The following ATE1 variants were observed in gnomAD, a reference collection of about 807,000 sequenced individuals.
ATE1 encodes the protein arginyltransferase 1.
Under a neutral mutation model 70.5 loss-of-function variants are expected in ATE1, and 36 were observed. The ratio of observed to expected loss-of-function variants is 0.51; its 90% CI spans 0.39 to 0.67. ATE1 has a LOEUF of 0.67. ATE1 is among the 30% of genes least tolerant of loss of function. The pLI is 0.00. For missense variants in ATE1, 593 were observed against 629.5 expected, an observed-to-expected ratio of 0.94 and a Z score of 0.62; for synonymous variants, 232 against 219.3, an observed-to-expected ratio of 1.06 and a Z score of -0.51.
intron 8 of ATE1, among the ~76,000 whole-genome samples, chr10:121,864,930 G>T (rs2133982984): frequency 6.6e-6 from 1 of 152,240 alleles, no homozygotes; most frequent in African/African-American, 2.4e-5. Flanking sequence ...TCACAACAAA[G>T]AATTATCCAG....
chr10:121,832,491 T>C (rs1326237674), intron 10 of ATE1, among the ~76,000 whole-genome samples: 1 of 152,110 alleles, frequency 6.6e-6, no homozygotes, highest in African/African-American at 2.4e-5. Context: ...GCACGTGTTG[T>C]GGGAGGGACC....
chr10:121,874,540 A>G (rs1304320069), intron 7 of ATE1, among the ~76,000 whole-genome samples: 1 of 150,440 alleles, frequency 6.6e-6, no homozygotes, highest in African/African-American at 2.5e-5. Flanking sequence ...AGAAGATCTT[A>G]TTTAACCTAT....
intron 1 of ATE1, 38 bp from the exon 2 acceptor site, chr10:121,924,367 A>T (rs370197426): frequency 1.5e-5 from 23 of 1,585,156 alleles, no homozygotes; most frequent in Non-Finnish European, 1.9e-5. Flanking sequence ...CGGCAGGGTA[A>T]CCTTTTTTCT....
intron 10 of ATE1, among the ~76,000 whole-genome samples, chr10:121,809,949 G>A (rs1947254052): frequency 2.0e-5 from 3 of 151,350 alleles, no homozygotes; most frequent in Admixed American, 2.0e-4. Flanking sequence ...ACAGTGAAAT[G>A]CCAAGAAAGA....
In ATE1 at chr10:121,927,969, C is replaced by G; in HGVS notation, c.-20G>C. On this transcript the variant is annotated 5_prime_UTR_variant, in exon 1 of 12. Transcript: ENST00000224652. The stretch of plus-strand genomic sequence containing the variant: ...AGCCATGGCCTCGGCCCCGCGAACG[C>G]TCAGCCGCCCGGCCCCGCGTCGCTA... 1 of 1,503,010 alleles carries G rather than the reference C, an allele frequency of 6.7e-7. No homozygotes were observed. The highest frequency in any genetic ancestry group is 8.9e-7 in the Non-Finnish European group (1 of 1,125,378). 93.1% of individuals were successfully genotyped at this position (1,503,010 alleles called of 1,614,324 possible).
At chr10:121,869,886 G>C in intron 8 of ATE1, 120 bp downstream of exon 8, 1 of 893,712 alleles carries the variant, frequency 1.1e-6, no homozygotes, top group East Asian at 2.5e-5. Flanking sequence ...TGTTATTGAA[G>C]AATATATGTG....
At chr10:121,798,180 T>TAGA (rs1946733378) in intron 10 of ATE1, among the ~76,000 whole-genome samples, 1 of 152,230 alleles carries the variant, frequency 6.6e-6, no homozygotes, top group African/African-American at 2.4e-5. Flanking sequence ...ATGTTCTTAT[T>TAGA]ATATAAGAAT....
At chr10:121,905,614 G>C (rs1240287154) in intron 5 of ATE1, among the ~76,000 whole-genome samples, 1 of 152,016 alleles carries the variant, frequency 6.6e-6, no homozygotes, top group Non-Finnish European at 1.5e-5. Flanking sequence ...GGCCGAGACG[G>C]GCGGATCACC....
In ATE1 at chr10:121,902,419, A is replaced by G. The variant is rs1028286782; in HGVS notation, c.785T>C (p.Leu262Ser). 1 of 1,614,202 alleles carries G rather than the reference A, an allele frequency of 6.2e-7. No homozygotes were observed. Among genetic ancestry groups the G allele is most frequent in the Non-Finnish European group, 8.5e-7 (1 of 1,180,006 alleles). The change falls in exon 6 of 12, where the codon TTA becomes TCA. Residue 262 changes from leucine (L) to serine (S), a missense_variant. Around this residue, in one of 3 missense-constraint regions of ATE1, gnomAD observed 467 missense variants for 469.6 expected, o/e 0.99. Coordinates refer to ENST00000224652, the MANE Select transcript of ATE1 (RefSeq NM_001001976.3). ...TAACTTGTGTGATGCATTCTCTGGT[A>G]AAGACTCAAAAATTAAATCTTCGAG... ...KSLEDLIFES[L>S]PENASHKLEV...
intron 8 of ATE1, among the ~76,000 whole-genome samples, chr10:121,853,082 A>T (rs1949114507): frequency 6.6e-6 from 1 of 152,160 alleles, no homozygotes; most frequent in Non-Finnish European, 1.5e-5. Context: ...GAGTTTTAAA[A>T]AACTAAATTG....
intron 4 of ATE1, among the ~76,000 whole-genome samples, chr10:121,911,723 A>G (rs557721887): frequency 4.9e-4 from 74 of 151,520 alleles, no homozygotes; most frequent in Non-Finnish European, 8.5e-4. Context: ...TAGAACACCC[A>G]CACTGAACTG....
chr10:121,873,114 C>A (rs1005803539), intron 7 of ATE1, among the ~76,000 whole-genome samples: 4 of 152,070 alleles, frequency 2.6e-5, no homozygotes, highest in Non-Finnish European at 5.9e-5. Context: ...AAGGAATAAC[C>A]TGCATGATAT....
At chr10:121,765,473 G>A (rs923666804) in intron 11 of ATE1, among the ~76,000 whole-genome samples, 20 of 152,212 alleles carry the variant, frequency 1.3e-4, no homozygotes, top group Admixed American at 7.9e-4. Flanking sequence ...TAGACTGTGC[G>A]AGTGGGGCCT....
intron 8 of ATE1, among the ~76,000 whole-genome samples, chr10:121,858,333 A>G (rs1053362185): frequency 2.6e-5 from 4 of 152,042 alleles, no homozygotes; most frequent in Non-Finnish European, 4.4e-5. Context: ...CCATGCCAAC[A>G]GTTACCGTTT....
intron 5 of ATE1, among the ~76,000 whole-genome samples, chr10:121,905,892 G>A (rs1951171414): frequency 6.6e-6 from 1 of 151,986 alleles, no homozygotes; most frequent in African/African-American, 2.4e-5. Context: ...AGGGGATACA[G>A]ATCTCCCAGG....
intron 8 of ATE1, chr10:121,846,790 G>T (rs1948842554): frequency 1.3e-5 from 2 of 152,102 alleles, no homozygotes; most frequent in Non-Finnish European, 2.9e-5. Context: ...TTCCATGAAT[G>T]ATAAGTTATG....
At chr10:121,842,154 CAA>C (rs1948654798) in intron 8 of ATE1, among the ~76,000 whole-genome samples, 1 of 152,050 alleles carries the variant, frequency 6.6e-6, no homozygotes, top group African/African-American at 2.4e-5. Flanking sequence ...CAAAGGAAAA[CAA>C]AGTTATTCTT....
intron 5 of ATE1, among the ~76,000 whole-genome samples, chr10:121,908,184 T>C (rs977923635): frequency 6.6e-6 from 1 of 151,876 alleles, no homozygotes; most frequent in African/African-American, 2.4e-5. Context: ...TTTTGAAAAA[T>C]GATAAATAAA....
intron 8 of ATE1, among the ~76,000 whole-genome samples, chr10:121,856,961 A>G (rs1364290592): frequency 1.3e-5 from 2 of 152,262 alleles, no homozygotes; most frequent in Non-Finnish European, 2.9e-5. Context: ...GTAATGCTGA[A>G]GATTTTGAAA....
Sources: gnomAD v4.1 joint callset for allele counts (sites outside exome capture counted in the v4.1 genomes callset) on GRCh38, gnomAD v4.1.1 for gene constraint, gnomAD v4.1.1 regional missense constraint, MANE v1.5 for transcripts, NCBI Gene and HGNC (gene_info 2026-07-23, HGNC 2026-07-21) for gene names.